Variants in ATP13A4 observed in about 807,000 individuals in gnomAD.
ATP13A4 encodes ATPase 13A4.
ATP13A4 carries 114 observed loss-of-function variants against 142.5 expected under a neutral mutation model. The ratio of observed to expected loss-of-function variants is 0.80; its 90% CI spans 0.69 to 0.93. The LOEUF is 0.93. ATP13A4 is among the 40% of genes least tolerant of loss of function. ATP13A4 has a pLI of 0.00. For missense variants in ATP13A4, 1,392 were observed against 1,454.0 expected (o/e 0.96, Z 0.69); for synonymous variants, 488 against 514.8 (o/e 0.95, Z 0.70).
chr3:193,473,341 GAATA>G (rs549426423), intron 8 of ATP13A4, among the ~76,000 whole-genome samples: 1 of 152,094 alleles, frequency 6.6e-6, no homozygotes, highest in Non-Finnish European at 1.5e-5. Flanking sequence ...TTCAGTAAAT[GAATA>G]AATAAATAAG....
In ATP13A4 at chr3:193,502,494, T is replaced by C; in HGVS notation, c.380A>G (p.Lys127Arg). ...AGCAGTAGCCATAAGTTTACTTACC[T>C]TTAGGTCTGGCTTTCTTATGGCTCT... ...INRAIRKPDL[K>R]VRCIKVQKIR... The change falls in exon 3 of 30, where the codon AAG becomes AGG. Residue 127 changes from lysine to arginine, a missense_variant and splice_region_variant. Physicochemically the swap from Lys to Arg is conservative, Grantham distance 26 (BLOSUM62 2). Coordinates refer to ENST00000342695, the MANE Select transcript of ATP13A4 (RefSeq NM_032279.4). The C allele has an allele frequency of 6.2e-7, 1 of 1,613,980 alleles. No individual in the cohort carries two copies. The highest frequency in any genetic ancestry group is 8.5e-7 in the Non-Finnish European group (1 of 1,179,888).
intron 9 of ATP13A4, among the ~76,000 whole-genome samples, chr3:193,468,060 TC>T (rs1356030440): frequency 6.6e-6 from 1 of 152,142 alleles, no homozygotes; most frequent in Non-Finnish European, 1.5e-5. Context: ...ATGCCTGTGA[TC>T]CCAGCTACTC....
At chr3:193,541,965 G>T (rs1722954260) in intron 1 of ATP13A4, among the ~76,000 whole-genome samples, 4 of 152,174 alleles carry the variant, frequency 2.6e-5, no homozygotes, top group African/African-American at 9.7e-5. Context: ...CAGCTTGGAA[G>T]TTGTGTCCAT....
At chr3:193,474,669 A>AAAAG (rs1362764407) in intron 8 of ATP13A4, among the ~76,000 whole-genome samples, 1 of 148,216 alleles carries the variant, frequency 6.7e-6, no homozygotes, top group Non-Finnish European at 1.5e-5. Flanking sequence ...GAAAGAAAGA[A>AAAAG]AAAGAAAGAA....
intron 28 of ATP13A4, among the ~76,000 whole-genome samples, chr3:193,408,007 C>T (rs1714588343): frequency 6.6e-6 from 1 of 152,256 alleles, no homozygotes; most frequent in Admixed American, 6.5e-5. Context: ...TTGTCATGAC[C>T]TGTCCCTTTG....
chr3:193,518,173 C>CA (rs781598438), intron 1 of ATP13A4, among the ~76,000 whole-genome samples: 4 of 151,698 alleles, frequency 2.6e-5, no homozygotes, highest in East Asian at 3.9e-4. Context: ...AGTTGGAGAG[C>CA]AAAAAAAACC....
intron 1 of ATP13A4, among the ~76,000 whole-genome samples, chr3:193,536,401 A>C: frequency 6.6e-6 from 1 of 152,092 alleles, no homozygotes; most frequent in South Asian, 2.1e-4. Context: ...AAGAAGAAAA[A>C]TCACATGGTC....
intron 1 of ATP13A4, among the ~76,000 whole-genome samples, chr3:193,526,820 G>A (rs1722030944): frequency 6.6e-6 from 1 of 152,008 alleles, no homozygotes; most frequent in African/African-American, 2.4e-5. Context: ...AGTTAGAGAG[G>A]GCTCCAGGGG....
chr3:193,560,694 G>C (rs1723995516), intron 2 of ATP13A4, among the ~76,000 whole-genome samples: 1 of 152,196 alleles, frequency 6.6e-6, no homozygotes, highest in African/African-American at 2.4e-5. Context: ...ATGATCCAGA[G>C]GGCTTAGGAC....
At chr3:193,459,936 C>T (rs1472212207) in intron 13 of ATP13A4, among the ~76,000 whole-genome samples, 1 of 152,158 alleles carries the variant, frequency 6.6e-6, no homozygotes, top group Non-Finnish European at 1.5e-5. Flanking sequence ...TCAGCTTTGG[C>T]GTCACAAGAA....
chr3:193,477,521 A>G (rs1390622371), intron 8 of ATP13A4, among the ~76,000 whole-genome samples: 1 of 152,128 alleles, frequency 6.6e-6, no homozygotes, highest in East Asian at 1.9e-4. Context: ...AAGAGAGAAT[A>G]AAAAGGATGA....
chr3:193,515,228 T>C (rs1297953432), intron 1 of ATP13A4, among the ~76,000 whole-genome samples: 1 of 152,148 alleles, frequency 6.6e-6, no homozygotes, highest in African/African-American at 2.4e-5. Context: ...CCTCATTTCA[T>C]ACATGGTGGG....
intron 1 of ATP13A4, among the ~76,000 whole-genome samples, chr3:193,539,488 C>T (rs922842016): frequency 6.6e-6 from 1 of 152,236 alleles, no homozygotes; most frequent in Non-Finnish European, 1.5e-5. Flanking sequence ...ATGCTCTACC[C>T]TAAAACCTGG....
chr3:193,543,997 G>T (rs58158167), intron 1 of ATP13A4, among the ~76,000 whole-genome samples: 2 of 152,296 alleles, frequency 1.3e-5, no homozygotes, highest in Middle Eastern at 3.4e-3. Flanking sequence ...CCAAGCATCA[G>T]TTGGTGTTCA....
At chr3:193,483,610 G>A (rs950265069) in intron 8 of ATP13A4, among the ~76,000 whole-genome samples, 1 of 151,984 alleles carries the variant, frequency 6.6e-6, no homozygotes, top group East Asian at 1.9e-4. Context: ...GACTACAGGC[G>A]CTCGCCACCA....
chr3:193,451,686 T>C (rs1373159850), intron 17 of ATP13A4, among the ~76,000 whole-genome samples: 1 of 152,194 alleles, frequency 6.6e-6, no homozygotes, highest in East Asian at 1.9e-4. Context: ...TGATTACATC[T>C]CATGTTCTTA....
chr3:193,530,920 C>T (rs563994304), intron 1 of ATP13A4, among the ~76,000 whole-genome samples: 301 of 152,234 alleles, frequency 2.0e-3, no homozygotes, highest in African/African-American at 6.9e-3. Flanking sequence ...CCCCACCACA[C>T]GCTCATATAC....
rs563095683 is a variant in ATP13A4, at chr3:193,592,666, A to C, written n.91+355T>G. Among the ~76,000 whole-genome samples the C allele has an allele frequency of 8.5e-5, 13 of 152,328 alleles. No homozygotes were observed. In the East Asian group the frequency reaches 2.5e-3, roughly 29 times the overall value. On this transcript the variant is annotated intron_variant and non_coding_transcript_variant, in intron 1 of 3. Transcript: ENST00000489140. Reference sequence around the variant, plus strand: ...CACACAAGCTTATTCCAAACCCGTTACTGGCCTAACTGATTTAAGTCCCTT... The same window carrying C: ...CACACAAGCTTATTCCAAACCCGTTCCTGGCCTAACTGATTTAAGTCCCTT...
At chr3:193,557,059 C>T (rs1427310737), upstream of ATP13A4, among the ~76,000 whole-genome samples, 1 of 152,070 alleles carries the variant, frequency 6.6e-6, no homozygotes, top group Admixed American at 6.6e-5. Context: ...ACTCTTGCAC[C>T]GTTGTGGGAT....
Sources: gnomAD v4.1 joint callset for allele counts (sites outside exome capture counted in the v4.1 genomes callset) on GRCh38, gnomAD v4.1.1 for gene constraint, MANE v1.5 for transcripts, NCBI Gene and HGNC (gene_info 2026-07-23, HGNC 2026-07-21) for gene names.